The following PAICS variants were observed in gnomAD, a reference collection of about 807,000 sequenced individuals.
The protein encoded by PAICS is bifunctional phosphoribosylaminoimidazole carboxylase/phosphoribosylaminoimidazole succinocarboxamide synthetase.
Under a neutral mutation model 53.7 loss-of-function variants are expected in PAICS, and 33 were observed. The observed-to-expected ratio is 0.61, with a 90% CI of 0.47 to 0.82. The LOEUF (loss-of-function observed/expected upper bound fraction) is 0.82. Ranked by LOEUF, PAICS falls within the 40% of genes least tolerant of loss-of-function variation. The probability of loss-of-function intolerance (pLI) is 0.00; values close to 1 mark genes in which losing one functional copy is unlikely to be tolerated. For synonymous variants in PAICS, 141 were observed against 167.2 expected (o/e 0.84, Z 1.21); for missense variants, 394 against 494.1 (o/e 0.80, Z 1.92).
At chr4:56,446,620 GTT>G in intron 2 of PAICS, 73 bp from the exon 3 acceptor site, 1 of 871,466 alleles carries the variant, frequency 1.1e-6, no homozygotes, top group East Asian at 2.7e-5. Flanking sequence ...AAAGGGTAGA[GTT>G]TTATTGTGCC....
intron 7 of PAICS, among the ~76,000 whole-genome samples, chr4:56,452,563 G>A (rs972848460): frequency 2.0e-5 from 3 of 152,166 alleles, no homozygotes; most frequent in African/African-American, 7.2e-5. Context: ...AATTAAAAAT[G>A]CAAGTATGAA....
intron 1 of PAICS, among the ~76,000 whole-genome samples, chr4:56,438,781 T>G: frequency 6.6e-6 from 1 of 152,174 alleles, no homozygotes; most frequent in Middle Eastern, 3.4e-3. Flanking sequence ...CAACATGGAG[T>G]CAAGATGAAA....
At chr4:56,435,882 C>T (rs759342051), upstream of PAICS, 15 of 1,482,264 alleles carry the variant, frequency 1.0e-5, no homozygotes, top group Admixed American at 2.7e-4. Context: ...AGCATTTAGC[C>T]TTCATATGCC....
chr4:56,448,652 G>A, intron 4 of PAICS, 55 bp downstream of exon 4: 1 of 1,515,114 alleles, frequency 6.6e-7, no homozygotes, highest in South Asian at 1.2e-5. Flanking sequence ...AAAGGTTATA[G>A]TTGAGAGATG....
At chr4:56,422,821 G>A in the PAICS span, 1 of 152,136 alleles carries the variant, frequency 6.6e-6, no homozygotes, top group Non-Finnish European at 1.5e-5. Flanking sequence ...ATTAATGGAA[G>A]CAATGTTCCC....
In PAICS at chr4:56,459,386, A is replaced by G; in HGVS notation, c.1126A>G (p.Thr376Ala). The G allele has an allele frequency of 1.3e-6, 2 of 1,594,248 alleles. No individual in the cohort carries two copies. Among genetic ancestry groups the G allele is most frequent in the South Asian group, 1.1e-5 (1 of 88,508 alleles). The change falls in exon 9 of 9, where the codon ACC becomes GCC. Residue 376 changes from threonine to alanine, a missense_variant. Thr to Ala is a moderately conservative substitution (Grantham distance 58). Coordinates refer to ENST00000512576, the MANE Select transcript of PAICS (RefSeq NM_001079524.2). ...LRLPSGLGCS[T>A]VLSPEGSAQF... Reference sequence around the variant, plus strand: ...TGAACCAATAGGTCTTGGCTGTTCAACCGTACTTTCTCCAGAAGGATCAGC... The same window carrying G: ...TGAACCAATAGGTCTTGGCTGTTCAGCCGTACTTTCTCCAGAAGGATCAGC...
upstream of PAICS, chr4:56,435,278 G>C: frequency 6.3e-7 from 1 of 1,598,216 alleles, no homozygotes. Context: ...GCGCTCATGA[G>C]AACGCCGACT....
the PAICS span, chr4:56,410,712 T>C: frequency 1.0e-6 from 1 of 986,700 alleles, no homozygotes; most frequent in Non-Finnish European, 1.2e-6. Flanking sequence ...TACAAAAATC[T>C]CAAATATGAA....
the PAICS span, among the ~76,000 whole-genome samples, chr4:56,413,160 T>C: frequency 6.6e-6 from 1 of 152,084 alleles, no homozygotes; most frequent in Non-Finnish European, 1.5e-5. Flanking sequence ...GGTTTTTGGT[T>C]TTGTTTTGTT....
At chr4:56,436,166 G>A, upstream of PAICS, 4 of 1,496,556 alleles carry the variant, frequency 2.7e-6, no homozygotes, top group South Asian at 5.2e-5. Context: ...TCCGGGTTAG[G>A]CGGCTGTAGC....
intron 8 of PAICS, 47 bp downstream of exon 8, chr4:56,453,808 CA>C (rs1009323693): frequency 2.1e-5 from 28 of 1,337,720 alleles, no homozygotes; most frequent in Non-Finnish European, 2.8e-5. Flanking sequence ...AAGCATTTAA[CA>C]GATGCACAAC....
chr4:56,418,923 T>C, the PAICS span, among the ~76,000 whole-genome samples: 1 of 152,242 alleles, frequency 6.6e-6, no homozygotes, highest in African/African-American at 2.4e-5. Flanking sequence ...ATGAAATTTC[T>C]GACACATTTC....
At chr4:56,414,989 T>TAA in the PAICS span, among the ~76,000 whole-genome samples, 1 of 152,232 alleles carries the variant, frequency 6.6e-6, no homozygotes, top group Non-Finnish European at 1.5e-5. Context: ...TGATGTGCTT[T>TAA]TGTACTTATG....
At chr4:56,423,404 CT>C in the PAICS span, 2 of 152,160 alleles carry the variant, frequency 1.3e-5, no homozygotes, top group Non-Finnish European at 2.9e-5. Flanking sequence ...TGAAGCATGA[CT>C]TAAGCCCAGG....
At chr4:56,412,326 G>A in the PAICS span, among the ~76,000 whole-genome samples, 1 of 143,092 alleles carries the variant, frequency 7.0e-6, no homozygotes, top group East Asian at 2.0e-4. Flanking sequence ...TTTTTTTTTA[G>A]AGAGAGGGTT....
chr4:56,415,078 T>C, the PAICS span, among the ~76,000 whole-genome samples: 13 of 152,212 alleles, frequency 8.5e-5, no homozygotes, highest in Non-Finnish European at 1.8e-4. Context: ...ATATCTTTTC[T>C]TTTTCTTCAA....
rs923567097 is a variant in PAICS at position 56,462,049 on chromosome 4, T to C, written c.*2511T>C. 6.6e-6 allele frequency: 1 copy of C among 152,144 alleles called. No individual in the cohort carries two copies. Among genetic ancestry groups the C allele is most frequent in the African/African-American group, 2.4e-5 (1 of 41,430 alleles). The allele number at this position is 152,144 out of a possible 1,614,324, so 9.4% of individuals were successfully genotyped here. On this transcript the variant is annotated 3_prime_UTR_variant, in exon 9 of 9. Transcript: ENST00000512576. ...GGACTGAGCAAAGCCCTTGTCCAGA[T>C]GGAACTTATGTTTTAGAGGGGAAAA... is the stretch of plus-strand genomic sequence containing the variant.
In PAICS at chr4:56,448,587, T is replaced by A. The variant is rs767134289; in HGVS notation, c.563T>A (p.Val188Asp). ...KSWLPQNCTL[V>D]DMKIEFGVDV... The stretch of plus-strand genomic sequence containing the variant: ...TGGTTGCCCCAGAATTGTACACTGG[T>A]TGATATGAAGGTACAGATAAAACAA... Residue 188 changes from valine to aspartate, a missense_variant, in exon 4 of 9, where the codon GTT (valine) becomes GAT (aspartate). This residue lies in a region of PAICS where 131 missense variants were observed against 205.5 expected (regional missense o/e 0.64). Transcript: ENST00000512576. The A allele has an allele frequency of 6.3e-7, 1 of 1,598,780 alleles. No individual in the cohort carries two copies. The highest frequency in any genetic ancestry group is 1.1e-5 in the South Asian group (1 of 89,354).
chr4:56,419,183 A>G, the PAICS span, among the ~76,000 whole-genome samples: 81 of 152,364 alleles, frequency 5.3e-4, 1 homozygote, highest in East Asian at 0.015. Flanking sequence ...AAGATAAAGA[A>G]AAAAGAAAGG....
Sources: gnomAD v4.1 joint callset for allele counts (sites outside exome capture counted in the v4.1 genomes callset) on GRCh38, gnomAD v4.1.1 for gene constraint, gnomAD v4.1.1 regional missense constraint, MANE v1.5 for transcripts, NCBI Gene and HGNC (gene_info 2026-07-23, HGNC 2026-07-21) for gene names.